ATAD2B: variants seen among roughly 807,000 people sequenced by gnomAD.
ATAD2B encodes the protein ATPase family AAA domain containing 2B.
ATAD2B carries 40 observed loss-of-function variants against 167.6 expected under a neutral mutation model. The observed-to-expected ratio is 0.24, with a 90% CI of 0.19 to 0.31. ATAD2B has a LOEUF of 0.31. ATAD2B is among the 10% of genes least tolerant of loss of function. The probability of loss-of-function intolerance (pLI) is 1.00; values close to 1 mark genes in which losing one functional copy is unlikely to be tolerated. For synonymous variants in ATAD2B, 579 were observed against 596.5 expected (o/e 0.97, Z 0.43); for missense variants, 1,242 against 1,757.2 (o/e 0.71, Z 5.24).
chr2:23,794,521 A>G (rs955922741), intron 19 of ATAD2B, among the ~76,000 whole-genome samples: 4 of 152,210 alleles, frequency 2.6e-5, no homozygotes, highest in African/African-American at 9.6e-5. Flanking sequence ...TCCTTGGACC[A>G]CACTTTGATA....
chr2:23,868,500 C>G (rs1349635011), intron 9 of ATAD2B, among the ~76,000 whole-genome samples: 1 of 152,160 alleles, frequency 6.6e-6, no homozygotes, highest in Non-Finnish European at 1.5e-5. Flanking sequence ...ACTATGTTGC[C>G]TAGGCTGGTC....
chr2:23,901,510 G>C (rs1700837567), intron 1 of ATAD2B, among the ~76,000 whole-genome samples: 1 of 151,974 alleles, frequency 6.6e-6, no homozygotes, highest in Non-Finnish European at 1.5e-5. Flanking sequence ...TCATGTCCAA[G>C]TCTTGAAATT....
chr2:23,915,485 T>A (rs1046239850), intron 1 of ATAD2B, among the ~76,000 whole-genome samples: 1 of 150,590 alleles, frequency 6.6e-6, no homozygotes, highest in Middle Eastern at 3.2e-3. Context: ...AAAAAAAGCG[T>A]ATTGCTATAT....
At chr2:23,761,637 G>A (rs140237206) in intron 24 of ATAD2B, among the ~76,000 whole-genome samples, 3 of 152,168 alleles carry the variant, frequency 2.0e-5, no homozygotes, top group Non-Finnish European at 4.4e-5. Flanking sequence ...TTAGAAAGAC[G>A]CAGTGTTTAT....
intron 16 of ATAD2B, among the ~76,000 whole-genome samples, chr2:23,821,117 T>C (rs903517457): frequency 6.6e-6 from 1 of 152,154 alleles, no homozygotes; most frequent in African/African-American, 2.4e-5. Context: ...AAACCAATTA[T>C]TGATAATCAA....
chr2:23,800,085 TAAAAAA>T (rs5829908), intron 18 of ATAD2B: 41 of 147,738 alleles, frequency 2.8e-4, no homozygotes, highest in African/African-American at 9.5e-4. Context: ...GGCACTTATT[TAAAAAA>T]AAAAAAAATT....
rs201688452 is a variant in ATAD2B at position 23,858,112 on chromosome 2, TTTTA to T, written c.1480-613_1480-610del. Among the ~76,000 whole-genome samples the T allele has an allele frequency of 9.1e-4, 137 of 150,562 alleles. 2 individuals carry two copies. Among genetic ancestry groups the T allele is most frequent in the African/African-American group, 3.0e-3 (125 of 41,038 alleles). The stretch of plus-strand genomic sequence containing the variant: ...ATTCTTTTTATTTATTTGTTTTAGG[TTTTA>T]TTTATTTATTTATTTATTTTTTGAG... On this transcript the variant is annotated intron_variant, in intron 12 of 27. Coordinates refer to ENST00000238789, the MANE Select transcript of ATAD2B (RefSeq NM_017552.4).
rs766576751 is a variant in ATAD2B at position 23,926,734 on chromosome 2, C to A, written c.37G>T (p.Gly13Trp). 6.5e-7 allele frequency: 1 copy of A among 1,548,228 alleles called. No homozygotes were observed. The highest frequency in any genetic ancestry group is 1.2e-5 in the South Asian group (1 of 83,970). The change falls in exon 1 of 28, where the codon GGG (glycine) becomes TGG (tryptophan). Residue 13 changes from glycine (G) to tryptophan (W), a missense_variant. Coordinates refer to ENST00000238789, the MANE Select transcript of ATAD2B (RefSeq NM_017552.4). ...GGCCCGGGACCAGGAGACTTGGACC[C>A]GAGAAGGCGGAGAGAGCTCTTCCGG... is the stretch of plus-strand genomic sequence containing the variant. ...NTRKSSLRLL[G>W]SKSPGPGPGP...
chr2:23,874,240 A>G (rs1179853180), intron 8 of ATAD2B, among the ~76,000 whole-genome samples: 1 of 152,136 alleles, frequency 6.6e-6, no homozygotes, highest in Non-Finnish European at 1.5e-5. Flanking sequence ...ACTATACAAA[A>G]CAAACTCAAA....
At chr2:23,752,150 G>C in intron 27 of ATAD2B, 63 bp from the exon 28 acceptor site, 1 of 1,201,646 alleles carries the variant, frequency 8.3e-7, no homozygotes, top group Admixed American at 2.3e-5. Context: ...TCCTCATTAC[G>C]GAAGAATTCA....
At chr2:23,742,531 A>G in the ATAD2B span, among the ~76,000 whole-genome samples, 1 of 133,204 alleles carries the variant, frequency 7.5e-6, no homozygotes, top group Non-Finnish European at 1.6e-5. Flanking sequence ...AGGAAGGGGA[A>G]CATCACACAC....
At chr2:23,894,016 C>G (rs917311001) in intron 2 of ATAD2B, among the ~76,000 whole-genome samples, 3 of 152,020 alleles carry the variant, frequency 2.0e-5, no homozygotes, top group Non-Finnish European at 4.4e-5. Flanking sequence ...TTTGCCAAAA[C>G]AGAAACAGTA....
In ATAD2B at chr2:23,802,937, A is replaced by T. The variant is rs144675605; in HGVS notation, c.2455-4614T>A. ...TTCACCTTTTGAAATTATTCCCAAC[A>T]CCACACAGTACATAAACTCCAAAGC... On this transcript the variant is annotated intron_variant, in intron 18 of 27. Transcript: ENST00000238789. Among the ~76,000 whole-genome samples, 224 of 152,254 alleles carry T rather than the reference A, an allele frequency of 1.5e-3. 5 individuals are homozygous for T. Among genetic ancestry groups the T allele is most frequent in the Admixed American group, 9.1e-3 (139 of 15,286 alleles).
chr2:23,696,139 GC>G, the ATAD2B span: 3 of 1,550,100 alleles, frequency 1.9e-6, no homozygotes, highest in South Asian at 1.2e-5. This position sits in a 1 kb window ranked among gnomAD's most constrained non-coding sequence, Gnocchi z 5.5. Context: ...CTCAGGTGAG[GC>G]CCCCCGGGGT....
intron 18 of ATAD2B, among the ~76,000 whole-genome samples, chr2:23,810,034 A>G (rs181958620): frequency 1.1e-3 from 166 of 152,338 alleles, no homozygotes; most frequent in Admixed American, 1.9e-3. Context: ...ACAGAGGGTC[A>G]GAAAAAGGCA....
At chr2:23,698,404 C>T in the ATAD2B span, among the ~76,000 whole-genome samples, 1 of 152,096 alleles carries the variant, frequency 6.6e-6, no homozygotes, top group African/African-American at 2.4e-5. Flanking sequence ...AGACCCCCTT[C>T]GGGTAGGTTG....
At chr2:23,818,290 AGG>A (rs527344835) in intron 17 of ATAD2B, among the ~76,000 whole-genome samples, 1 of 89,768 alleles carries the variant, frequency 1.1e-5, no homozygotes, top group Non-Finnish European at 2.2e-5. Context: ...GAAGAGAGGG[AGG>A]GGGGAGAGAG....
At chr2:23,837,787 G>C (rs930539355) in intron 13 of ATAD2B, among the ~76,000 whole-genome samples, 2 of 152,186 alleles carry the variant, frequency 1.3e-5, no homozygotes, top group Admixed American at 6.5e-5. Flanking sequence ...TATTATATTA[G>C]ATTTACATTA....
chr2:23,822,185 C>CA (rs1401962876), intron 16 of ATAD2B, among the ~76,000 whole-genome samples: 4 of 152,222 alleles, frequency 2.6e-5, no homozygotes, highest in Non-Finnish European at 5.9e-5. Context: ...CAAGGGCTGT[C>CA]ATCAGGCTCC....
Sources: allele counts gnomAD v4.1 joint callset (sites outside exome capture counted in the v4.1 genomes callset), GRCh38; gene constraint gnomAD v4.1.1; non-coding constraint Gnocchi (gnomAD v3.1); transcripts MANE v1.5; gene names NCBI Gene and HGNC (gene_info 2026-07-23, HGNC 2026-07-21).